Variants in SGCZ observed in about 807,000 individuals in gnomAD.
SGCZ encodes zeta-sarcoglycan.
A neutral mutation model predicts 41.3 loss-of-function variants in SGCZ; 40 were observed. The ratio of observed to expected loss-of-function variants is 0.97; its 90% CI spans 0.75 to 1.26. The LOEUF is 1.26. SGCZ is among the 50% of genes most tolerant of loss of function. SGCZ has a pLI of 0.00. For synonymous variants in SGCZ, 206 were observed against 137.5 expected (o/e 1.50, Z -3.49); for missense variants, 552 against 369.8 (o/e 1.49, Z -4.04).
At chr8:14,716,928 C>A (rs889409028) in intron 1 of SGCZ, among the ~76,000 whole-genome samples, 1 of 151,880 alleles carries the variant, frequency 6.6e-6, no homozygotes. Flanking sequence ...TAATACAATG[C>A]AATTATATTT....
At chr8:15,178,923 T>C (rs1800077493) in intron 1 of SGCZ, among the ~76,000 whole-genome samples, 1 of 152,252 alleles carries the variant, frequency 6.6e-6, no homozygotes, top group African/African-American at 2.4e-5. Context: ...ATATTGGTTC[T>C]AAACATAGTG....
At chr8:14,762,828 ATC>A (rs1305668268) in intron 1 of SGCZ, among the ~76,000 whole-genome samples, 3 of 152,232 alleles carry the variant, frequency 2.0e-5, no homozygotes, top group Non-Finnish European at 4.4e-5. Flanking sequence ...GCAAAGAGAT[ATC>A]TCTGTCTTCA....
At chr8:14,958,951 C>G (rs1334101820) in intron 1 of SGCZ, among the ~76,000 whole-genome samples, 1 of 152,016 alleles carries the variant, frequency 6.6e-6, no homozygotes, top group East Asian at 1.9e-4. Flanking sequence ...CTCTTTTAAT[C>G]TTTCTGTATG....
At chr8:14,484,732 T>C (rs1801627409) in intron 2 of SGCZ, among the ~76,000 whole-genome samples, 1 of 152,188 alleles carries the variant, frequency 6.6e-6, no homozygotes, top group Non-Finnish European at 1.5e-5. Context: ...TGTGCCCATA[T>C]TTATATCTAA....
intron 1 of SGCZ, among the ~76,000 whole-genome samples, chr8:15,072,375 A>T (rs1563485438): frequency 6.6e-6 from 1 of 152,198 alleles, no homozygotes; most frequent in African/African-American, 2.4e-5. Context: ...AGCAACATCA[A>T]CAAAAAACCC....
chr8:14,369,123 C>T (rs997448793), intron 2 of SGCZ, among the ~76,000 whole-genome samples: 108 of 151,340 alleles, frequency 7.1e-4, no homozygotes, highest in Middle Eastern at 3.2e-3. Flanking sequence ...GAAATTAACA[C>T]CTATAGTGAT....
intron 1 of SGCZ, among the ~76,000 whole-genome samples, chr8:15,045,744 G>C (rs1360983510): frequency 6.6e-6 from 1 of 152,036 alleles, no homozygotes; most frequent in East Asian, 1.9e-4. Flanking sequence ...CTATCCATCA[G>C]CCAAATTGAT....
rs557907201 is a variant in SGCZ at position 15,015,763 on chromosome 8, G to A, written c.39+221822C>T. Among the ~76,000 whole-genome samples the A allele has an allele frequency of 4.7e-3, 659 of 141,608 alleles. 5 individuals carry two copies. Among genetic ancestry groups the A allele is most frequent in the Non-Finnish European group, 8.0e-3 (529 of 65,852 alleles). 92.9% of individuals were successfully genotyped at this position (141,608 alleles called of 152,430 possible). The stretch of plus-strand genomic sequence containing the variant: ...TGTGTGTGTGTGTGTGTGTGTGTGT[G>A]TGTGTGTAGTTTAAGCAATAAGAAA... On this transcript the variant is annotated intron_variant, in intron 1 of 7. Coordinates refer to ENST00000382080, the MANE Select transcript of SGCZ (RefSeq NM_139167.4).
chr8:14,145,291 G>T (rs189411795), intron 5 of SGCZ, among the ~76,000 whole-genome samples: 1 of 152,302 alleles, frequency 6.6e-6, no homozygotes, highest in Non-Finnish European at 1.5e-5. Flanking sequence ...GTAATCCAGA[G>T]AATTCTCTCA....
intron 1 of SGCZ, among the ~76,000 whole-genome samples, chr8:15,084,941 C>T (rs955074103): frequency 7.9e-5 from 12 of 152,276 alleles, no homozygotes; most frequent in Admixed American, 3.3e-4. Flanking sequence ...TTTCTCTTAG[C>T]TCCATTAGCA....
At chr8:14,938,158 G>A (rs1246649164) in intron 1 of SGCZ, among the ~76,000 whole-genome samples, 1 of 152,122 alleles carries the variant, frequency 6.6e-6, no homozygotes, top group African/African-American at 2.4e-5. Context: ...TACAAGTTCT[G>A]CATGTTGAAA....
chr8:14,786,481 A>G (rs1487288698), intron 1 of SGCZ, among the ~76,000 whole-genome samples: 4 of 152,254 alleles, frequency 2.6e-5, no homozygotes, highest in Non-Finnish European at 5.9e-5. Context: ...TTTATGTACC[A>G]TGATACAACG....
At chr8:14,946,954 G>A (rs1296446347) in intron 1 of SGCZ, among the ~76,000 whole-genome samples, 1 of 152,048 alleles carries the variant, frequency 6.6e-6, no homozygotes, top group African/African-American at 2.4e-5. Flanking sequence ...GATTACAGGC[G>A]TGAGCCACTG....
At chr8:15,160,279 T>G (rs1249770421) in intron 1 of SGCZ, among the ~76,000 whole-genome samples, 1 of 152,192 alleles carries the variant, frequency 6.6e-6, no homozygotes, top group Non-Finnish European at 1.5e-5. Flanking sequence ...TTGGTCCATA[T>G]TGTAGCAATT....
chr8:14,629,064 C>A (rs148340682), intron 1 of SGCZ, among the ~76,000 whole-genome samples: 1 of 152,064 alleles, frequency 6.6e-6, no homozygotes, highest in Non-Finnish European at 1.5e-5. Context: ...AAGAATTTGA[C>A]CAGATTTGGG....
intron 1 of SGCZ, among the ~76,000 whole-genome samples, chr8:14,571,363 T>G (rs1290616665): frequency 3.3e-5 from 5 of 152,202 alleles, no homozygotes; most frequent in Non-Finnish European, 5.9e-5. Flanking sequence ...CAAATGTATT[T>G]GCATTAATGT....
chr8:14,260,772 CAAT>C (rs1214430851), intron 3 of SGCZ, among the ~76,000 whole-genome samples: 5 of 152,084 alleles, frequency 3.3e-5, no homozygotes, highest in African/African-American at 1.2e-4. Flanking sequence ...CAGTCATAAA[CAAT>C]GATGAGTTCA....
At chr8:14,387,244 G>A (rs1318426923) in intron 2 of SGCZ, among the ~76,000 whole-genome samples, 1 of 152,116 alleles carries the variant, frequency 6.6e-6, no homozygotes, top group Non-Finnish European at 1.5e-5. Flanking sequence ...GAAATACAGT[G>A]TCTTGCTCTG....
intron 3 of SGCZ, among the ~76,000 whole-genome samples, chr8:14,240,906 G>A (rs1798860162): frequency 6.6e-6 from 1 of 152,054 alleles, no homozygotes; most frequent in Non-Finnish European, 1.5e-5. Context: ...GTATAATGAT[G>A]AAAAAATCTT....
Sources: allele counts gnomAD v4.1 joint callset (sites outside exome capture counted in the v4.1 genomes callset), GRCh38; gene constraint gnomAD v4.1.1; transcripts MANE v1.5; gene names NCBI Gene and HGNC (gene_info 2026-07-23, HGNC 2026-07-21).